The following CNNM4 variants were observed in gnomAD, a reference collection of about 807,000 sequenced individuals.
CNNM4 encodes the protein metal transporter CNNM4.
In CNNM4, 32 loss-of-function variants were observed where a neutral mutation model predicts 53.7. The ratio of observed to expected loss-of-function variants is 0.60; its 90% CI spans 0.45 to 0.80. The LOEUF is 0.80. Among genes scored for constraint, CNNM4 ranks in the 30% least tolerant of loss-of-function variants. The pLI, the probability that CNNM4 is intolerant of heterozygous loss-of-function variation, is 0.00. For missense variants in CNNM4, 784 were observed against 1,022.0 expected (o/e 0.77, Z 3.17); for synonymous variants, 410 against 440.0 (o/e 0.93, Z 0.85).
chr2:96,806,535 A>ACACACACACACACACG (rs374638753), intron 5 of CNNM4, among the ~76,000 whole-genome samples: 220 of 123,984 alleles, frequency 1.8e-3, no homozygotes, highest in African/African-American at 5.7e-3. Context: ...ACACACACAC[A>ACACACACACACACACG]CGCGCGCGCG....
Position 96,797,695 on chromosome 2 carries a change from G to C in CNNM4, c.1681+48G>C, listed in dbSNP as rs1409822860. ...GTCTTGGTGGAAATACGGTCACGGG[G>C]GAGAAGTCCTGGGTTTCCGGCTGCT... On this transcript the variant is annotated intron_variant, in intron 3 of 6. Coordinates refer to ENST00000377075, the MANE Select transcript of CNNM4 (RefSeq NM_020184.4). The surrounding 1 kb of genome is among the most constrained non-coding windows in gnomAD (Gnocchi z 6.0). 7 of 1,609,352 alleles carry C rather than the reference G, an allele frequency of 4.3e-6. No homozygotes were observed. The highest frequency in any genetic ancestry group is 1.7e-5 in the Admixed American group (1 of 59,924).
chr2:96,769,076 C>T (rs948933550), intron 1 of CNNM4, among the ~76,000 whole-genome samples: 4 of 151,938 alleles, frequency 2.6e-5, no homozygotes, highest in Admixed American at 1.3e-4. Context: ...ACGGTAAAAC[C>T]CTGTCTCTAC....
At chr2:96,778,766 C>G (rs1004559682) in intron 1 of CNNM4, among the ~76,000 whole-genome samples, 1 of 151,626 alleles carries the variant, frequency 6.6e-6, no homozygotes, top group African/African-American at 2.4e-5. Flanking sequence ...TTTATGAACC[C>G]TTTATCAGAC....
intron 1 of CNNM4, among the ~76,000 whole-genome samples, chr2:96,782,146 G>A (rs1272130116): frequency 6.6e-6 from 1 of 152,054 alleles, no homozygotes; most frequent in East Asian, 1.9e-4. Flanking sequence ...TCTTTATTTA[G>A]GATTTTGGCA....
intron 4 of CNNM4, 103 bp downstream of exon 4, chr2:96,799,329 C>T: frequency 2.0e-6 from 3 of 1,481,586 alleles, no homozygotes; most frequent in Non-Finnish European, 2.8e-6. Flanking sequence ...GCTTCCCTGC[C>T]TGGGGAGCCT....
In CNNM4 at chr2:96,811,196, G is replaced by A. The variant is rs1304934316; in HGVS notation, c.*1679G>A. The A allele has an allele frequency of 6.6e-6, 1 of 152,296 alleles. No individual in the cohort carries two copies. The highest frequency in any genetic ancestry group is 1.5e-5 in the Non-Finnish European group (1 of 68,092). The allele number at this position is 152,296 out of a possible 1,614,324, so 9.4% of individuals were successfully genotyped here. A position where few individuals can be genotyped will look rare whatever the true frequency, so the allele number is the denominator to read the frequency against. Reference sequence around the variant, plus strand: ...CCATAGAACTGACTCCTGGAAGCCTGGAGAGAAGGTGGTGACACCCATGGG... The same window carrying A: ...CCATAGAACTGACTCCTGGAAGCCTAGAGAGAAGGTGGTGACACCCATGGG... On this transcript the variant is annotated 3_prime_UTR_variant, in exon 7 of 7. Coordinates refer to ENST00000377075, the MANE Select transcript of CNNM4 (RefSeq NM_020184.4).
intron 1 of CNNM4, among the ~76,000 whole-genome samples, chr2:96,790,293 A>T (rs2079050416): frequency 6.6e-6 from 1 of 151,970 alleles, no homozygotes; most frequent in Non-Finnish European, 1.5e-5. Context: ...GGCGTGAGCC[A>T]CCGCACCCGG....
At chr2:96,796,793 G>A (rs1435241903) in intron 1 of CNNM4, among the ~76,000 whole-genome samples, 1 of 152,104 alleles carries the variant, frequency 6.6e-6, no homozygotes. Flanking sequence ...ACAAAAAAGT[G>A]GTCCTTAACG....
Position 96,809,512 on chromosome 2 carries a change from A to AT in CNNM4, c.2324dup (p.Ter776LeufsTer21). The AT allele has an allele frequency of 1.2e-6, 2 of 1,614,150 alleles. No homozygotes were observed. The highest frequency in any genetic ancestry group is 8.5e-7 in the Non-Finnish European group (1 of 1,180,004). On this transcript the variant is annotated frameshift_variant, in exon 7 of 7. Transcript: ENST00000377075. LOFTEE classifies it high-confidence loss of function. The stretch of plus-strand genomic sequence containing the variant: ...GCACAAAGCCTCCCACGAGAATGCC[A>AT]TCTGACAGGAGGGCCCGGGGCCCCC...
chr2:96,771,096 C>T (rs922949607), intron 1 of CNNM4, among the ~76,000 whole-genome samples: 10 of 152,118 alleles, frequency 6.6e-5, no homozygotes, highest in African/African-American at 1.9e-4. Context: ...CTGCCATTTG[C>T]TCCAACCTGC....
chr2:96,786,750 T>C (rs1416729514), intron 1 of CNNM4, among the ~76,000 whole-genome samples: 3 of 120,758 alleles, frequency 2.5e-5, no homozygotes, highest in Non-Finnish European at 4.8e-5. Context: ...CTGCACTCCA[T>C]CCTGGGTAAC....
chr2:96,800,388 G>A lies in CNNM4; in HGVS notation c.1948+740G>A, dbSNP rs1448303641. 6.6e-6 allele frequency among the ~76,000 whole-genome samples: 1 copy of A among 152,234 alleles called. No individual in the cohort carries two copies. The highest frequency in any genetic ancestry group is 1.5e-5 in the Non-Finnish European group (1 of 68,032). ...GAGAGAGAAAGTCCACTTTGGTGCT[G>A]GAGAACAGGCCACGCCAGTGGGGTA... On this transcript the variant is annotated intron_variant, in intron 5 of 6. Transcript: ENST00000377075. The surrounding 1 kb of genome is among the most constrained non-coding windows in gnomAD (Gnocchi z 4.6).
intron 1 of CNNM4, among the ~76,000 whole-genome samples, chr2:96,785,690 G>C (rs536061146): frequency 1.2e-4 from 18 of 152,190 alleles, no homozygotes; most frequent in African/African-American, 4.3e-4. Context: ...GGTAGTCCCA[G>C]CTATTCTGGA....
chr2:96,766,728 C>T (rs2153343679), intron 1 of CNNM4, among the ~76,000 whole-genome samples: 1 of 152,274 alleles, frequency 6.6e-6, no homozygotes, highest in Admixed American at 6.5e-5. Flanking sequence ...TATCTCTAGC[C>T]CCTAGAATGG....
Position 96,805,433 on chromosome 2 carries a change from T to TA in CNNM4, c.1949-3128_1949-3127insA, listed in dbSNP as rs1252829292. Among the ~76,000 whole-genome samples the TA allele has an allele frequency of 1.2e-3, 175 of 140,434 alleles. 2 individuals are homozygous for TA. The highest frequency in any genetic ancestry group is 5.2e-3 in the African/African-American group (173 of 33,480). The allele number at this position is 140,434 out of a possible 152,430, so 92.1% of individuals were successfully genotyped here. On this transcript the variant is annotated intron_variant, in intron 5 of 6. Transcript: ENST00000377075. ...CTTCTTTTCAGTTTTTTTTTTTTTTTTTTTTTATTATTTTTTTTTAAATTT... is the reference window on the plus strand; with the variant it reads ...CTTCTTTTCAGTTTTTTTTTTTTTTTATTTTTTATTATTTTTTTTTAAATTT...
chr2:96,762,316 G>C lies in CNNM4; in HGVS notation c.1317G>C (p.Lys439Asn). The change falls in exon 1 of 7, where the codon AAG becomes AAC. Residue 439 changes from lysine to asparagine, a missense_variant. Around this residue, in one of 3 missense-constraint regions of CNNM4, gnomAD observed 473 missense variants for 624.6 expected, o/e 0.76. Coordinates refer to ENST00000377075, the MANE Select transcript of CNNM4 (RefSeq NM_020184.4). ...FVDPDDCTPL[K>N]TITRFYNHPV... is the part of the protein sequence containing the mutation. ...ACCCCGATGACTGCACCCCCCTCAA[G>C]ACTATCACTCGCTTCTATAACCACC... 6.2e-7 allele frequency: 1 copy of C among 1,614,116 alleles called. No homozygotes were observed. The highest frequency in any genetic ancestry group is 2.2e-5 in the East Asian group (1 of 44,878).
chr2:96,806,533 ACACGCGCG>A (rs1429490796), intron 5 of CNNM4, among the ~76,000 whole-genome samples: 118 of 138,602 alleles, frequency 8.5e-4, no homozygotes, highest in Middle Eastern at 3.9e-3. Flanking sequence ...ACACACACAC[ACACGCGCG>A]CGCGCGCGCG....
At chr2:96,768,901 G>A (rs2078842061) in intron 1 of CNNM4, among the ~76,000 whole-genome samples, 2 of 152,194 alleles carry the variant, frequency 1.3e-5, no homozygotes, top group African/African-American at 4.8e-5. Context: ...GGCATGCAGG[G>A]GAAAATGCCC....
At chr2:96,775,186 A>G (rs992477355) in intron 1 of CNNM4, among the ~76,000 whole-genome samples, 1 of 152,034 alleles carries the variant, frequency 6.6e-6, no homozygotes, top group Non-Finnish European at 1.5e-5. Context: ...GAGCTCCAGT[A>G]ATAACACATT....
Sources: gnomAD v4.1 joint callset for allele counts (sites outside exome capture counted in the v4.1 genomes callset) on GRCh38, gnomAD v4.1.1 for gene constraint, gnomAD v4.1.1 regional missense constraint, Gnocchi (gnomAD v3.1) non-coding constraint, MANE v1.5 for transcripts, NCBI Gene and HGNC (gene_info 2026-07-23, HGNC 2026-07-21) for gene names.